Variants in DIAPH3 observed in about 807,000 individuals in gnomAD.
DIAPH3 encodes protein diaphanous homolog 3.
Under a neutral mutation model 144.3 loss-of-function variants are expected in DIAPH3, and 117 were observed. The observed-to-expected ratio is 0.81, with a 90% CI of 0.70 to 0.95. DIAPH3 has a LOEUF of 0.95. DIAPH3 is among the 40% of genes least tolerant of loss of function. The probability of loss-of-function intolerance (pLI) is 0.00; values close to 1 mark genes in which losing one functional copy is unlikely to be tolerated. For missense variants in DIAPH3, 1,421 were observed against 1,412.7 expected, an observed-to-expected ratio of 1.01 and a Z score of -0.09; for synonymous variants, 519 against 488.9, an observed-to-expected ratio of 1.06 and a Z score of -0.81.
chr13:60,100,614 G>A (rs1299677204), intron 3 of DIAPH3, among the ~76,000 whole-genome samples: 1 of 151,912 alleles, frequency 6.6e-6, no homozygotes, highest in East Asian at 1.9e-4. Context: ...GAGGTAGTTT[G>A]GTGAAAGGTA....
intron 27 of DIAPH3, among the ~76,000 whole-genome samples, chr13:59,675,378 A>G (rs2032588806): frequency 6.7e-6 from 1 of 149,542 alleles, no homozygotes. Flanking sequence ...TTTACATGCT[A>G]TTTTTAATTT....
Position 59,983,798 on chromosome 13 carries a change from CT to C in DIAPH3, c.1450del (p.Arg484AspfsTer2). 1 of 1,607,790 alleles carries C rather than the reference CT, an allele frequency of 6.2e-7. No homozygotes were observed. The highest frequency in any genetic ancestry group is 8.5e-7 in the Non-Finnish European group (1 of 1,175,460). ...GMDPDFTYRK[R>X]LDLDLTQFVD... Reference sequence around the variant, plus strand: ...AAACTGGGTTAAATCTAAATCTAGTCTTTTTCGATATGTGAAGTCTGGATCC... The same window carrying C: ...AAACTGGGTTAAATCTAAATCTAGTCTTTTCGATATGTGAAGTCTGGATCC... On this transcript the variant is annotated frameshift_variant, in exon 13 of 28. Transcript: ENST00000400324. LOFTEE classifies it high-confidence loss of function.
At chr13:59,701,570 T>C (rs2034116752) in intron 27 of DIAPH3, among the ~76,000 whole-genome samples, 1 of 152,232 alleles carries the variant, frequency 6.6e-6, no homozygotes, top group Non-Finnish European at 1.5e-5. Context: ...ATTTGTTTGC[T>C]CACTGAATAA....
intron 27 of DIAPH3, among the ~76,000 whole-genome samples, chr13:59,759,307 C>A (rs1241821019): frequency 6.6e-6 from 1 of 152,042 alleles, no homozygotes; most frequent in Non-Finnish European, 1.5e-5. Flanking sequence ...GGCCCGGGGG[C>A]ACAGAAACTA....
chr13:60,135,676 A>G (rs189065875), intron 1 of DIAPH3, among the ~76,000 whole-genome samples: 15 of 152,316 alleles, frequency 9.8e-5, no homozygotes, highest in Non-Finnish European at 2.2e-4. Context: ...TGATCTGAGA[A>G]TTGTGTTTCT....
chr13:59,729,174 T>C (rs547286228), intron 27 of DIAPH3, among the ~76,000 whole-genome samples: 3 of 152,320 alleles, frequency 2.0e-5, no homozygotes, highest in African/African-American at 7.2e-5. Context: ...AGCTTGACTA[T>C]AGTCAGTGGA....
At chr13:59,904,685 G>T (rs2046634309) in intron 20 of DIAPH3, among the ~76,000 whole-genome samples, 1 of 152,122 alleles carries the variant, frequency 6.6e-6, no homozygotes, top group African/African-American at 2.4e-5. Context: ...GAGTTATGCA[G>T]ATCTTCATTT....
At chr13:60,101,318 G>T (rs554292670) in intron 3 of DIAPH3, among the ~76,000 whole-genome samples, 1 of 151,850 alleles carries the variant, frequency 6.6e-6, no homozygotes, top group Non-Finnish European at 1.5e-5. Flanking sequence ...TCTAAAGTCC[G>T]ATTTCCTTGG....
chr13:60,038,256 T>C (rs1249077583), intron 5 of DIAPH3, among the ~76,000 whole-genome samples: 1 of 152,132 alleles, frequency 6.6e-6, no homozygotes, highest in African/African-American at 2.4e-5. Context: ...TGACAAATTG[T>C]CTTTTGGAAA....
rs530066581 is a variant in DIAPH3, at chr13:59,665,947, T to C, written c.*637A>G. Reference sequence around the variant, plus strand: ...GGCAAAGAGAGTGCATACATTCTTATTGCATCATTTTTCGTTATGTGCTCA... The same window carrying C: ...GGCAAAGAGAGTGCATACATTCTTACTGCATCATTTTTCGTTATGTGCTCA... On this transcript the variant is annotated 3_prime_UTR_variant, in exon 28 of 28. Transcript: ENST00000400324. 17 of 152,388 alleles carry C rather than the reference T, an allele frequency of 1.1e-4. No individual in the cohort carries two copies. Among genetic ancestry groups the C allele is most frequent in the South Asian group, 2.1e-4 (1 of 4,834 alleles). The allele number at this position is 152,388 out of a possible 1,614,324, so 9.4% of individuals were successfully genotyped here. A position where few individuals can be genotyped will look rare whatever the true frequency, so the allele number is the denominator to read the frequency against.
In DIAPH3 at chr13:59,988,317, T is replaced by G. The variant is rs529392274; in HGVS notation, c.1361+2841A>C. On this transcript the variant is annotated intron_variant, in intron 12 of 27. Coordinates refer to ENST00000400324, the MANE Select transcript of DIAPH3 (RefSeq NM_001042517.2). The stretch of plus-strand genomic sequence containing the variant: ...CACGTGGTACATACATTTAAACACA[T>G]TTACATCTATTACATTTAAAAATCT... Among the ~76,000 whole-genome samples, 42 of 152,040 alleles carry G rather than the reference T, an allele frequency of 2.8e-4. 1 individual carries two copies. The South Asian group carries it at 8.7e-3, about 32-fold the overall frequency.
chr13:60,015,827 G>T, intron 7 of DIAPH3, 86 bp downstream of exon 7: 2 of 1,197,324 alleles, frequency 1.7e-6, no homozygotes, highest in South Asian at 1.3e-5. Flanking sequence ...AAACACATCA[G>T]AACAATTTAC....
At chr13:59,714,359 CAAAAAAAAAA>C (rs398022997) in intron 27 of DIAPH3, among the ~76,000 whole-genome samples, 16 of 90,064 alleles carry the variant, frequency 1.8e-4, no homozygotes, top group Middle Eastern at 5.7e-3. Flanking sequence ...GACTCCGTCT[CAAAAAAAAAA>C]AAAAAAAAAA....
chr13:60,107,683 C>T (rs948108491), intron 3 of DIAPH3, among the ~76,000 whole-genome samples: 4 of 152,150 alleles, frequency 2.6e-5, no homozygotes, highest in Non-Finnish European at 4.4e-5. Context: ...CTTTCTCCTA[C>T]ATTACAAAAA....
intron 25 of DIAPH3, among the ~76,000 whole-genome samples, chr13:59,779,046 A>G (rs1368265011): frequency 6.6e-6 from 1 of 152,130 alleles, no homozygotes; most frequent in African/African-American, 2.4e-5. Context: ...CAACCATCCC[A>G]ACCTGTTCTT....
chr13:60,015,534 C>T (rs1390301965), intron 7 of DIAPH3, among the ~76,000 whole-genome samples: 5 of 151,396 alleles, frequency 3.3e-5, no homozygotes, highest in South Asian at 2.1e-4. Flanking sequence ...TGACTCACGC[C>T]GTACTTTTGA....
chr13:60,027,559 TA>T (rs1321460853), intron 5 of DIAPH3, among the ~76,000 whole-genome samples: 2 of 151,856 alleles, frequency 1.3e-5, no homozygotes, highest in African/African-American at 2.4e-5. Context: ...ACAGGAATGA[TA>T]AAAAAACAAA....
At chr13:59,670,913 A>C (rs1460402002) in intron 27 of DIAPH3, among the ~76,000 whole-genome samples, 3 of 152,102 alleles carry the variant, frequency 2.0e-5, no homozygotes, top group Non-Finnish European at 4.4e-5. Flanking sequence ...GCCTGGCAAC[A>C]AAGCCAGGCT....
intron 1 of DIAPH3, among the ~76,000 whole-genome samples, chr13:60,147,612 G>A (rs1213627430): frequency 6.6e-6 from 1 of 152,174 alleles, no homozygotes; most frequent in Non-Finnish European, 1.5e-5. Context: ...GACCAAACCA[G>A]CACAGAGCAA....
Sources: gnomAD v4.1 joint callset for allele counts (sites outside exome capture counted in the v4.1 genomes callset) on GRCh38, gnomAD v4.1.1 for gene constraint, MANE v1.5 for transcripts, NCBI Gene and HGNC (gene_info 2026-07-23, HGNC 2026-07-21) for gene names.